Variants in ZNF705B observed in about 807,000 individuals in gnomAD.
ZNF705B encodes the protein zinc finger protein 705B, also known as Putative zinc finger protein 705D-like protein LOC100132396.
A neutral mutation model predicts 10.5 loss-of-function variants in ZNF705B; 1 was observed. That is an observed-to-expected ratio of 0.10 (90% CI 0.03 to 0.45). The LOEUF is 0.45. Ranked by LOEUF, ZNF705B falls within the 20% of genes least tolerant of loss-of-function variation. The pLI, the probability that ZNF705B is intolerant of heterozygous loss-of-function variation, is 0.97. For missense variants in ZNF705B, 14 were observed against 84.0 expected (o/e 0.17, Z 3.26); for synonymous variants, 4 against 25.4 (o/e 0.16, Z 2.53).
In ZNF705B at chr8:7,928,485, G is replaced by A. The variant is rs1376057309; in HGVS notation, c.-221-1802G>A. Among the ~76,000 whole-genome samples, 23 of 120,558 alleles carry A rather than the reference G, an allele frequency of 1.9e-4. 1 individual carries two copies. Among genetic ancestry groups the A allele is most frequent in the Non-Finnish European group, 2.6e-4 (13 of 50,290 alleles). 79.1% of individuals were successfully genotyped at this position (120,558 alleles called of 152,430 possible). On this transcript the variant is annotated intron_variant, in intron 1 of 6. Transcript: ENST00000400120. ...GAAGTAAGGTAACCAGACAGTGCTT[G>A]TTACTTTAGAAGCTCACAGTGTAGA...
At chr8:7,929,333 G>A (rs1819779223) in intron 1 of ZNF705B, among the ~76,000 whole-genome samples, 1 of 121,350 alleles carries the variant, frequency 8.2e-6, no homozygotes, top group East Asian at 2.3e-4. Context: ...TTATAGAATG[G>A]AAGAAATAAA....
At chr8:7,926,508 C>T (rs1819690330) in intron 1 of ZNF705B, 111 bp downstream of exon 1, 1 of 115,482 alleles carries the variant, frequency 8.7e-6, no homozygotes, top group Admixed American at 1.0e-4. Context: ...CAGATTTCAG[C>T]CTCCACTTTA....
At chr8:7,928,398 G>T (rs144070776) in intron 1 of ZNF705B, among the ~76,000 whole-genome samples, 8,832 of 117,526 alleles carry the variant, frequency 0.075, 577 homozygotes, top group African/African-American at 0.22. Context: ...TCATTCAAGT[G>T]TCATTTGTTT....
chr8:7,935,567 C>T (rs1819990645), intron 2 of ZNF705B, among the ~76,000 whole-genome samples: 1 of 123,784 alleles, frequency 8.1e-6, no homozygotes, highest in African/African-American at 2.5e-5. Context: ...TCAATCAGTA[C>T]AGCAATTTTA....
intron 6 of ZNF705B, among the ~76,000 whole-genome samples, chr8:7,951,485 A>G (rs1417346152): frequency 0.015 from 1,198 of 81,710 alleles, 2 homozygotes; most frequent in African/African-American, 0.038. Flanking sequence ...TTGCATTGCC[A>G]TGGTGTAATT....
intron 2 of ZNF705B, among the ~76,000 whole-genome samples, chr8:7,932,754 T>C (rs868735844): frequency 8.6e-6 from 1 of 116,352 alleles, no homozygotes; most frequent in East Asian, 2.5e-4. Flanking sequence ...AAATCAGGCA[T>C]AGTGAAAAAT....
intron 2 of ZNF705B, among the ~76,000 whole-genome samples, chr8:7,936,532 T>A (rs1820019265): frequency 8.3e-6 from 1 of 119,862 alleles, no homozygotes; most frequent in Non-Finnish European, 2.0e-5. Flanking sequence ...CACGGAATAC[T>A]ATGCATCCAT....
In ZNF705B at chr8:7,931,141, G is replaced by T. The variant is rs1272352379; in HGVS notation, c.-72+705G>T. On this transcript the variant is annotated intron_variant, in intron 2 of 6. Coordinates refer to ENST00000400120, the MANE Select transcript of ZNF705B (RefSeq NM_001193630.1). ...GTGCTAGGATTACAGGTGTGAGTCA[G>T]GTGGCTTTCTCAAGTGCCAGCAGTG... Among the ~76,000 whole-genome samples the T allele has an allele frequency of 2.5e-5, 3 of 121,332 alleles. 1 individual carries two copies. The highest frequency in any genetic ancestry group is 5.9e-5 in the Non-Finnish European group (3 of 50,530). 79.6% of individuals were successfully genotyped at this position (121,332 alleles called of 152,430 possible). A position where few individuals can be genotyped will look rare whatever the true frequency, so the allele number is the denominator to read the frequency against.
intron 2 of ZNF705B, among the ~76,000 whole-genome samples, 191 bp downstream of exon 2, chr8:7,930,627 A>AT (rs1341251762): frequency 4.0e-5 from 4 of 100,406 alleles, no homozygotes; most frequent in Non-Finnish European, 7.1e-5. Context: ...GAAATTTAAA[A>AT]TTTTTTCCCA....
Position 7,928,476 on chromosome 8 carries a change from A to C in ZNF705B, c.-221-1811A>C, listed in dbSNP as rs558047783. 2.4e-4 allele frequency among the ~76,000 whole-genome samples: 29 copies of C among 120,842 alleles called. 3 individuals carry two copies. In the Admixed American group the frequency reaches 2.7e-3, roughly 11 times the overall value. The allele number at this position is 120,842 out of a possible 152,430, so 79.3% of individuals were successfully genotyped here. On this transcript the variant is annotated intron_variant, in intron 1 of 6. Transcript: ENST00000400120. ...GGGGCTGAGGAAGTAAGGTAACCAGACAGTGCTTGTTACTTTAGAAGCTCA... is the reference window on the plus strand; with the variant it reads ...GGGGCTGAGGAAGTAAGGTAACCAGCCAGTGCTTGTTACTTTAGAAGCTCA...
chr8:7,937,702 G>A lies in ZNF705B; in HGVS notation c.-72+7266G>A, dbSNP rs1246158553. On this transcript the variant is annotated intron_variant, in intron 2 of 6. Coordinates refer to ENST00000400120, the MANE Select transcript of ZNF705B (RefSeq NM_001193630.1). ...GGATAATAATCTTATGTCAGTCCCC[G>A]ATGTTGTGTGCTACCGAGTTAATAT... Among the ~76,000 whole-genome samples the A allele has an allele frequency of 2.6e-3, 283 of 109,106 alleles. 6 individuals are homozygous for A. Among genetic ancestry groups the A allele is most frequent in the African/African-American group, 7.3e-3 (272 of 37,300 alleles). 71.6% of individuals were successfully genotyped at this position (109,106 alleles called of 152,430 possible).
chr8:7,930,181 G>A (rs1245174450), intron 1 of ZNF705B, 106 bp from the exon 2 acceptor site: 1 of 118,432 alleles, frequency 8.4e-6, no homozygotes, highest in East Asian at 2.4e-4. Context: ...CCATGTTTAT[G>A]TCCATGTCTG....
chr8:7,936,285 C>A lies in ZNF705B; in HGVS notation c.-72+5849C>A, dbSNP rs76143874. On this transcript the variant is annotated intron_variant, in intron 2 of 6. Transcript: ENST00000400120. Reference sequence around the variant, plus strand: ...GAATCATGTGTACTATTTTACTATACCTGATTCTATTGAGCATTATATTTT... The same window carrying A: ...GAATCATGTGTACTATTTTACTATAACTGATTCTATTGAGCATTATATTTT... Among the ~76,000 whole-genome samples, 112 of 119,762 alleles carry A rather than the reference C, an allele frequency of 9.4e-4. 7 individuals are homozygous for A. Among genetic ancestry groups the A allele is most frequent in the African/African-American group, 2.6e-3 (103 of 39,158 alleles). 78.6% of individuals were successfully genotyped at this position (119,762 alleles called of 152,430 possible). A position where few individuals can be genotyped will look rare whatever the true frequency, so the allele number is the denominator to read the frequency against.
chr8:7,932,677 C>G (rs1265770146), intron 2 of ZNF705B, among the ~76,000 whole-genome samples: 1 of 120,760 alleles, frequency 8.3e-6, no homozygotes, highest in Non-Finnish European at 2.0e-5. Context: ...GATTTTGAAC[C>G]CAATGTTTTG....
At chr8:7,930,916 G>C (rs1211310441) in intron 2 of ZNF705B, among the ~76,000 whole-genome samples, 1 of 129,622 alleles carries the variant, frequency 7.7e-6, no homozygotes, top group Non-Finnish European at 1.8e-5. Flanking sequence ...CAGTGCAGTG[G>C]CACAATTTCA....
At chr8:7,940,232 G>GT (rs759600702) in intron 2 of ZNF705B, among the ~76,000 whole-genome samples, 2 of 147,288 alleles carry the variant, frequency 1.4e-5, no homozygotes, top group Non-Finnish European at 3.0e-5. Context: ...CTCCTTTTAA[G>GT]TTTTTTAACC....
chr8:7,936,213 A>G (rs1469634464), intron 2 of ZNF705B, among the ~76,000 whole-genome samples: 1 of 119,260 alleles, frequency 8.4e-6, no homozygotes, highest in Non-Finnish European at 2.0e-5. Flanking sequence ...CTAACTTGCA[A>G]TATGTTTGTG....
At position 7,933,189 on chromosome 8, in the gene ZNF705B, T is replaced by C. The variant is rs1158604438; in HGVS notation, c.-72+2753T>C. Among the ~76,000 whole-genome samples, 7 of 88,068 alleles carry C rather than the reference T, an allele frequency of 7.9e-5. No individual in the cohort carries two copies. The East Asian group carries it at 1.9e-3, about 23-fold the overall frequency. 57.8% of individuals were successfully genotyped at this position (88,068 alleles called of 152,430 possible). ...AGAAGATGAATTCAGAATGATGGAATGTGAGGACTCAACGCTCCGTTGCTG... is the reference window on the plus strand; with the variant it reads ...AGAAGATGAATTCAGAATGATGGAACGTGAGGACTCAACGCTCCGTTGCTG... On this transcript the variant is annotated intron_variant, in intron 2 of 6. Coordinates refer to ENST00000400120, the MANE Select transcript of ZNF705B (RefSeq NM_001193630.1).
intron 1 of ZNF705B, among the ~76,000 whole-genome samples, chr8:7,929,235 T>A (rs1252722325): frequency 8.2e-6 from 1 of 121,904 alleles, no homozygotes; most frequent in Admixed American, 9.3e-5. Flanking sequence ...CAGAAAGTAA[T>A]CTTGCATGAA....
Sources: allele counts gnomAD v4.1 joint callset (sites outside exome capture counted in the v4.1 genomes callset), GRCh38; gene constraint gnomAD v4.1.1; transcripts MANE v1.5; gene names NCBI Gene and HGNC (gene_info 2026-07-23, HGNC 2026-07-21).